Variants in DNAJB6 observed in about 807,000 individuals in gnomAD.
DNAJB6 encodes the protein dnaJ homolog subfamily B member 6.
In DNAJB6, 16 loss-of-function variants were observed where a neutral mutation model predicts 42.7. The ratio of observed to expected loss-of-function variants is 0.37; its 90% CI spans 0.25 to 0.57. The LOEUF (loss-of-function observed/expected upper bound fraction) is 0.57, where lower values mean the gene tolerates loss of function less well. Among genes scored for constraint, DNAJB6 ranks in the 20% least tolerant of loss-of-function variants. DNAJB6 has a pLI of 0.74. For synonymous variants in DNAJB6, 170 were observed against 163.5 expected, an observed-to-expected ratio of 1.04 and a Z score of -0.30; for missense variants, 347 against 416.8, an observed-to-expected ratio of 0.83 and a Z score of 1.46.
intron 1 of DNAJB6, among the ~76,000 whole-genome samples, chr7:157,353,548 A>C (rs182127271): frequency 6.9e-6 from 1 of 145,684 alleles, no homozygotes; most frequent in African/African-American, 2.6e-5. Flanking sequence ...ATTTACTCTT[A>C]GTTACAGGTT....
intron 8 of DNAJB6, among the ~76,000 whole-genome samples, chr7:157,389,045 G>A (rs1440383868): frequency 6.6e-6 from 1 of 152,178 alleles, no homozygotes; most frequent in African/African-American, 2.4e-5. Flanking sequence ...TTAGAAGTGG[G>A]TAGAGTTAGT....
At chr7:157,338,562 T>C (rs952210546) in intron 1 of DNAJB6, among the ~76,000 whole-genome samples, 1 of 152,220 alleles carries the variant, frequency 6.6e-6, no homozygotes, top group South Asian at 2.1e-4. Flanking sequence ...CTCGAACTTA[T>C]GACCTAAAGT....
intron 8 of DNAJB6, among the ~76,000 whole-genome samples, chr7:157,388,492 CTGGT>C (rs1801187180): frequency 6.6e-6 from 1 of 152,232 alleles, no homozygotes; most frequent in African/African-American, 2.4e-5. Context: ...CGGCACGTAT[CTGGT>C]TGTGCACAGC....
chr7:157,407,562 G>A (rs915022671), intron 8 of DNAJB6, among the ~76,000 whole-genome samples: 10 of 152,148 alleles, frequency 6.6e-5, no homozygotes, highest in African/African-American at 2.4e-4. Context: ...GTGTGCGTGG[G>A]TCCCTTCGTC....
At chr7:157,382,143 C>A in intron 5 of DNAJB6, 103 bp from the exon 6 acceptor site, 2 of 1,312,228 alleles carry the variant, frequency 1.5e-6, no homozygotes, top group Admixed American at 3.0e-5. Context: ...GTTTTTTGTT[C>A]CTGAATATGT....
intron 6 of DNAJB6, chr7:157,382,597 TATA>T: frequency 2.9e-6 from 1 of 346,122 alleles, no homozygotes; most frequent in Admixed American, 4.9e-5. Flanking sequence ...CTCCTCTTAA[TATA>T]ATAATCAAGG....
chr7:157,384,624 GA>G (rs1800958604), intron 6 of DNAJB6, among the ~76,000 whole-genome samples: 1 of 152,226 alleles, frequency 6.6e-6, no homozygotes, highest in South Asian at 2.1e-4. Flanking sequence ...TGCATGAGGA[GA>G]GGGGGAGGGG....
chr7:157,337,723 C>G (rs1292083947), intron 1 of DNAJB6: 1 of 152,244 alleles, frequency 6.6e-6, no homozygotes, highest in Non-Finnish European at 1.5e-5. Context: ...GAATGTTTGT[C>G]TGCTTTGCTT....
intron 8 of DNAJB6, among the ~76,000 whole-genome samples, chr7:157,400,800 C>T (rs2117168953): frequency 6.6e-6 from 1 of 152,268 alleles, no homozygotes; most frequent in East Asian, 1.9e-4. Context: ...AAGGATCTTT[C>T]TGGAAGTGAG....
chr7:157,371,280 G>A (rs542255977), intron 5 of DNAJB6, among the ~76,000 whole-genome samples: 29 of 152,350 alleles, frequency 1.9e-4, no homozygotes, highest in Non-Finnish European at 3.1e-4. Context: ...TACTTTCCAC[G>A]TGACGAAAAA....
intron 1 of DNAJB6, among the ~76,000 whole-genome samples, chr7:157,357,739 C>T (rs1799382929): frequency 6.6e-6 from 1 of 152,210 alleles, no homozygotes; most frequent in Admixed American, 6.5e-5. Flanking sequence ...CCAGAGGCTA[C>T]ATCCTCCATT....
rs1393824329 is a variant in DNAJB6, at chr7:157,340,987, T to C, written c.-27+3843T>C. On this transcript the variant is annotated intron_variant, in intron 1 of 9. Coordinates refer to ENST00000262177, the MANE Select transcript of DNAJB6 (RefSeq NM_058246.4). ...GGCTGTGTGTGTGTGTGTGTGTGTGTGTGTGTGTGTGCGCGCGCGCAGGTG... is the reference window on the plus strand; with the variant it reads ...GGCTGTGTGTGTGTGTGTGTGTGTGCGTGTGTGTGTGCGCGCGCGCAGGTG... Among the ~76,000 whole-genome samples the C allele has an allele frequency of 3.6e-3, 306 of 86,196 alleles. 1 individual carries two copies. The highest frequency in any genetic ancestry group is 0.025 in the East Asian group (61 of 2,474). 56.5% of individuals were successfully genotyped at this position (86,196 alleles called of 152,430 possible).
At chr7:157,350,268 G>A (rs1798899935) in intron 1 of DNAJB6, among the ~76,000 whole-genome samples, 1 of 152,184 alleles carries the variant, frequency 6.6e-6, no homozygotes, top group Non-Finnish European at 1.5e-5. Context: ...GACCAGGTAG[G>A]TCAGGGTTTC....
chr7:157,403,890 A>G (rs1795642596), intron 8 of DNAJB6, among the ~76,000 whole-genome samples: 1 of 152,140 alleles, frequency 6.6e-6, no homozygotes. Flanking sequence ...CTTCCTGTCC[A>G]CCCTGACCCA....
intron 8 of DNAJB6, among the ~76,000 whole-genome samples, chr7:157,404,784 G>A (rs1031000402): frequency 6.6e-6 from 1 of 152,102 alleles, no homozygotes; most frequent in African/African-American, 2.4e-5. Context: ...GGGATTATAG[G>A]CGTGAGCCAC....
intron 9 of DNAJB6, chr7:157,410,253 A>G (rs1795927582): frequency 1.2e-6 from 1 of 841,864 alleles, no homozygotes; most frequent in Non-Finnish European, 1.7e-6. Context: ...GTTGCTCCGC[A>G]AAGGATGACA....
At chr7:157,402,634 G>A (rs1795576660) in intron 8 of DNAJB6, among the ~76,000 whole-genome samples, 1 of 152,254 alleles carries the variant, frequency 6.6e-6, no homozygotes. Context: ...GAGGGCTGTG[G>A]GAGTGGCAGG....
intron 5 of DNAJB6, among the ~76,000 whole-genome samples, chr7:157,371,699 A>G (rs1218267064): frequency 6.6e-6 from 1 of 152,254 alleles, no homozygotes; most frequent in Non-Finnish European, 1.5e-5. Flanking sequence ...ATTGGAAAAT[A>G]TTAATAGGCA....
At chr7:157,364,104 T>A (rs74427719) in intron 3 of DNAJB6, among the ~76,000 whole-genome samples, 3,908 of 140,866 alleles carry the variant, frequency 0.028, 166 homozygotes, top group East Asian at 0.18. Flanking sequence ...ACAAAAAAAA[T>A]TTTTTTTTTT....
Sources: allele counts gnomAD v4.1 joint callset (sites outside exome capture counted in the v4.1 genomes callset), GRCh38; gene constraint gnomAD v4.1.1; transcripts MANE v1.5; gene names NCBI Gene and HGNC (gene_info 2026-07-23, HGNC 2026-07-21).